Variants in TECTA observed in about 807,000 individuals in gnomAD.
TECTA encodes the protein alpha-tectorin.
In TECTA, 128 loss-of-function variants were observed where a neutral mutation model predicts 216.8. The ratio of observed to expected loss-of-function variants is 0.59; its 90% confidence interval spans 0.51 to 0.68. The LOEUF is 0.68. TECTA is among the 30% of genes least tolerant of loss of function. The pLI is 0.00. For synonymous variants in TECTA, 1,089 were observed against 1,117.1 expected (o/e 0.97, Z 0.50); for missense variants, 2,551 against 2,786.2 (o/e 0.92, Z 1.90).
Position 121,119,009 on chromosome 11 carries a change from AC to A in TECTA, c.1203+292del, listed in dbSNP as rs879287325. ...CACTGATAGGCACACACACACACAC[AC>A]ACACACACACACACACACACACACA... On this transcript the variant is annotated intron_variant, in intron 7 of 23. Coordinates refer to ENST00000392793, the MANE Select transcript of TECTA (RefSeq NM_005422.4). Among the ~76,000 whole-genome samples the A allele has an allele frequency of 0.27, 37,400 of 139,604 alleles. 5,606 individuals are homozygous for A. The highest frequency in any genetic ancestry group is 0.35 in the Admixed American group (5,066 of 14,418). The allele number at this position is 139,604 out of a possible 152,430, so 91.6% of individuals were successfully genotyped here. A position where few individuals can be genotyped will look rare whatever the true frequency, so the allele number is the denominator to read the frequency against.
rs886047846 is a variant in TECTA, at chr11:121,168,696, C to A, written c.5770C>A (p.Pro1924Thr). 2 of 1,614,116 alleles carry A rather than the reference C, an allele frequency of 1.2e-6. No homozygotes were observed. Among genetic ancestry groups the A allele is most frequent in the Non-Finnish European group, 1.7e-6 (2 of 1,180,012 alleles). ...PMLSVINLTV[P>T]TQEGSFITKM... ...TTTTAGTGTAATTAACCTGACAGTT[C>A]CAACCCAAGAAGGCAGCTTCATCAC... The change falls in exon 20 of 24, where the codon CCA becomes ACA. Residue 1924 changes from proline (P) to threonine (T), a missense_variant. Around this residue, in one of 3 missense-constraint regions of TECTA, gnomAD observed 2,375 missense variants for 2,563.9 expected, o/e 0.93. Coordinates refer to ENST00000392793, the MANE Select transcript of TECTA (RefSeq NM_005422.4).
At chr11:121,162,651 T>A (rs1273684020) in intron 16 of TECTA, among the ~76,000 whole-genome samples, 2 of 152,118 alleles carry the variant, frequency 1.3e-5, no homozygotes, top group Non-Finnish European at 2.9e-5. Context: ...GTTAGTGGCT[T>A]ATGAGGTAGA....
At chr11:121,175,413 A>G (rs1341701974) in intron 20 of TECTA, among the ~76,000 whole-genome samples, 1 of 152,148 alleles carries the variant, frequency 6.6e-6, no homozygotes, top group African/African-American at 2.4e-5. Flanking sequence ...CGTTGGTTTC[A>G]AAGAACATCT....
At chr11:121,126,679 A>G (rs999853449) in intron 8 of TECTA, among the ~76,000 whole-genome samples, 2 of 152,234 alleles carry the variant, frequency 1.3e-5, no homozygotes, top group Admixed American at 1.3e-4. Flanking sequence ...TTTAAGTTCC[A>G]AGGCTAGAGG....
At chr11:121,131,635 C>G (rs1946675934) in intron 10 of TECTA, among the ~76,000 whole-genome samples, 1 of 152,128 alleles carries the variant, frequency 6.6e-6, no homozygotes, top group Admixed American at 6.5e-5. Flanking sequence ...ACAGCCAAAA[C>G]AAAAAACAAA....
chr11:121,108,364 A>C (rs1332983101), intron 3 of TECTA, among the ~76,000 whole-genome samples: 1 of 151,240 alleles, frequency 6.6e-6, no homozygotes, highest in Non-Finnish European at 1.5e-5. Context: ...CAGTACACAC[A>C]CATGTACACA....
chr11:121,103,652 GA>G (rs1481199050), intron 2 of TECTA, among the ~76,000 whole-genome samples: 1 of 151,944 alleles, frequency 6.6e-6, no homozygotes, highest in Non-Finnish European at 1.5e-5. Flanking sequence ...CATGGATAGG[GA>G]TATTCTTTCT....
chr11:121,146,642 A>G (rs1304059188), intron 12 of TECTA, among the ~76,000 whole-genome samples: 1 of 152,178 alleles, frequency 6.6e-6, no homozygotes, highest in Non-Finnish European at 1.5e-5. Context: ...CTCTGTCTTT[A>G]AGGATCTGTG....
At chr11:121,169,880 T>A (rs1361786654) in intron 20 of TECTA, among the ~76,000 whole-genome samples, 2 of 152,216 alleles carry the variant, frequency 1.3e-5, no homozygotes, top group African/African-American at 4.8e-5. Context: ...AAATCTTGTC[T>A]TCTGGCTATT....
intron 20 of TECTA, 21 bp downstream of exon 20, chr11:121,168,946 C>T: frequency 1.9e-6 from 3 of 1,613,906 alleles, no homozygotes; most frequent in South Asian, 1.1e-5. Flanking sequence ...TCTTTATAGA[C>T]AACATTCTCA....
chr11:121,111,730 A>G (rs1946443724), intron 4 of TECTA, among the ~76,000 whole-genome samples: 1 of 152,184 alleles, frequency 6.6e-6, no homozygotes, highest in Non-Finnish European at 1.5e-5. Flanking sequence ...TGTCCCTTGA[A>G]CAAGAGCCTG....
chr11:121,112,953 TGCAGA>T, intron 4 of TECTA, 114 bp from the exon 5 acceptor site: 1 of 1,294,466 alleles, frequency 7.7e-7, no homozygotes, highest in Non-Finnish European at 1.1e-6. Context: ...AGGGCCTGGC[TGCAGA>T]GCAGCTCTGA....
chr11:121,108,010 G>A (rs539518018), intron 3 of TECTA, among the ~76,000 whole-genome samples: 1 of 152,026 alleles, frequency 6.6e-6, no homozygotes, highest in Non-Finnish European at 1.5e-5. Context: ...CATCAGTGGA[G>A]GTCTTTTAAA....
At chr11:121,138,795 C>T (rs940261280) in intron 11 of TECTA, among the ~76,000 whole-genome samples, 4 of 152,242 alleles carry the variant, frequency 2.6e-5, no homozygotes, top group Admixed American at 2.6e-4. Flanking sequence ...CTGCACATGA[C>T]TTGAAATGCT....
chr11:121,146,295 T>C, intron 12 of TECTA, 179 bp downstream of exon 12: 1 of 703,108 alleles, frequency 1.4e-6, no homozygotes, highest in Middle Eastern at 3.9e-4. Context: ...GGAGCCTCCA[T>C]GTCCTTATTG....
At position 121,109,378 on chromosome 11, in the gene TECTA, G is replaced by T; in HGVS notation, c.366G>T (p.Leu122Phe). The T allele has an allele frequency of 1.2e-6, 2 of 1,614,186 alleles. No homozygotes were observed. The highest frequency in any genetic ancestry group is 2.2e-5 in the South Asian group (2 of 91,080). The stretch of plus-strand genomic sequence containing the variant: ...GAGAGACCATGGAGCCTGCCATCTT[G>T]AAAAGAGCCACCAAGGACATCAGGA... ...YYRETMEPAI[L>F]KRATKDIRKY... Residue 122 changes from leucine (L) to phenylalanine (F), a missense_variant, in exon 4 of 24, where the codon TTG becomes TTT. Leu to Phe is a conservative substitution (Grantham distance 22). Around this residue, in one of 3 missense-constraint regions of TECTA, gnomAD observed 2,375 missense variants for 2,563.9 expected, o/e 0.93. Transcript: ENST00000392793.
intron 2 of TECTA, 144 bp downstream of exon 2, chr11:121,102,873 C>G: frequency 1.3e-6 from 1 of 782,192 alleles, no homozygotes; most frequent in Non-Finnish European, 2.2e-6. Context: ...ATTCTATTAT[C>G]AAGGGTAAAA....
chr11:121,143,835 T>C (rs1028938852), intron 11 of TECTA, among the ~76,000 whole-genome samples: 4 of 152,222 alleles, frequency 2.6e-5, no homozygotes, highest in African/African-American at 9.6e-5. Flanking sequence ...GGGCAAGAGA[T>C]CTCAGCAGGG....
At chr11:121,109,107 A>G in intron 3 of TECTA, 104 bp from the exon 4 acceptor site, 1 of 1,299,886 alleles carries the variant, frequency 7.7e-7, no homozygotes, top group Non-Finnish European at 1.1e-6. Flanking sequence ...GTAGTTTAAA[A>G]GTTGTTTTCA....
Sources: allele counts gnomAD v4.1 joint callset (sites outside exome capture counted in the v4.1 genomes callset), GRCh38; gene constraint gnomAD v4.1.1; regional missense constraint gnomAD v4.1.1; transcripts MANE v1.5; gene names NCBI Gene and HGNC (gene_info 2026-07-23, HGNC 2026-07-21).